CCDC83: variants seen among roughly 807,000 people sequenced by gnomAD.
CCDC83 encodes coiled-coil domain-containing protein 83.
CCDC83 carries 54 observed loss-of-function variants against 50.1 expected under a neutral mutation model. The ratio of observed to expected loss-of-function variants is 1.08; its 90% CI spans 0.87 to 1.35. The LOEUF is 1.35. Among genes scored for constraint, CCDC83 ranks in the 40% most tolerant of loss-of-function variants. The pLI, the probability that CCDC83 is intolerant of heterozygous loss-of-function variation, is 0.00. For missense variants in CCDC83, 518 were observed against 473.9 expected (o/e 1.09, Z -0.86); for synonymous variants, 161 against 153.3 (o/e 1.05, Z -0.37).
chr11:85,868,168 T>C (rs1038064610), intron 2 of CCDC83, among the ~76,000 whole-genome samples: 2 of 152,240 alleles, frequency 1.3e-5, no homozygotes, highest in Non-Finnish European at 2.9e-5. Context: ...TGGTTGTTTG[T>C]GAAGAGCTGA....
intron 1 of CCDC83, among the ~76,000 whole-genome samples, chr11:85,856,021 A>G (rs2093137815): frequency 6.6e-6 from 1 of 152,166 alleles, no homozygotes; most frequent in Admixed American, 6.5e-5. Flanking sequence ...TGGATACTAC[A>G]ACATTCTTCT....
chr11:85,896,282 T>A (rs1252796377), intron 6 of CCDC83, among the ~76,000 whole-genome samples: 1 of 151,392 alleles, frequency 6.6e-6, no homozygotes, highest in Non-Finnish European at 1.5e-5. Context: ...AGCTCAGTAG[T>A]GCCAGCTACT....
intron 5 of CCDC83, among the ~76,000 whole-genome samples, chr11:85,891,298 G>A (rs1384924364): frequency 1.3e-5 from 2 of 152,100 alleles, no homozygotes; most frequent in Non-Finnish European, 2.9e-5. Context: ...ACTGTTCCTC[G>A]GTCACCTGCC....
chr11:85,911,070 C>T (rs977880737), intron 7 of CCDC83, among the ~76,000 whole-genome samples: 1 of 151,278 alleles, frequency 6.6e-6, no homozygotes, highest in African/African-American at 2.4e-5. Context: ...ACTCAGGAGG[C>T]TGAGGCAGGA....
At chr11:85,913,086 A>G (rs1004950278) in intron 8 of CCDC83, among the ~76,000 whole-genome samples, 3 of 152,176 alleles carry the variant, frequency 2.0e-5, no homozygotes, top group Admixed American at 1.3e-4. Flanking sequence ...CACACTGTTC[A>G]TCAGTGCTTT....
chr11:85,863,901 T>C (rs539291387), intron 1 of CCDC83, among the ~76,000 whole-genome samples: 1 of 152,344 alleles, frequency 6.6e-6, no homozygotes, highest in African/African-American at 2.4e-5. Flanking sequence ...TAGAGATATA[T>C]GCCCTTTTTC....
chr11:85,915,107 A>T (rs2093471641), intron 8 of CCDC83, among the ~76,000 whole-genome samples: 1 of 152,162 alleles, frequency 6.6e-6, no homozygotes, highest in African/African-American at 2.4e-5. Context: ...GGCCCAGCTA[A>T]ACTGTATCAA....
At chr11:85,859,158 T>TAAAAAA (rs55964668) in intron 1 of CCDC83, among the ~76,000 whole-genome samples, 1 of 68,786 alleles carries the variant, frequency 1.5e-5, no homozygotes, top group African/African-American at 6.3e-5. Context: ...CTTGGTGCCT[T>TAAAAAA]AAAAAAAAAA....
intron 7 of CCDC83, among the ~76,000 whole-genome samples, chr11:85,904,796 C>T (rs1025971252): frequency 3.9e-5 from 6 of 152,146 alleles, no homozygotes; most frequent in African/African-American, 1.4e-4. Context: ...AAAATGTCAC[C>T]GTCAGCTTCT....
At chr11:85,893,291 T>A (rs1234048941) in intron 5 of CCDC83, among the ~76,000 whole-genome samples, 2 of 152,222 alleles carry the variant, frequency 1.3e-5, no homozygotes, top group Non-Finnish European at 2.9e-5. Flanking sequence ...CGTTTTCATC[T>A]AATGGGAGAA....
At chr11:85,892,270 T>A (rs142427070) in intron 5 of CCDC83, among the ~76,000 whole-genome samples, 25 of 152,288 alleles carry the variant, frequency 1.6e-4, no homozygotes, top group African/African-American at 5.5e-4. Context: ...TGCACAGTCC[T>A]AATCTGCCAA....
chr11:85,873,006 AAAAC>A (rs1334726261), intron 2 of CCDC83, among the ~76,000 whole-genome samples: 1 of 152,046 alleles, frequency 6.6e-6, no homozygotes, highest in Non-Finnish European at 1.5e-5. Flanking sequence ...TTTTCAAAAA[AAAAC>A]AAACAACTTT....
rs1565161430 is a variant in CCDC83, at chr11:85,919,361, T to C, written c.1093T>C (p.Leu365=). The C allele has an allele frequency of 6.2e-7, 1 of 1,600,758 alleles. No homozygotes were observed. Residue 365 remains leucine, a synonymous_variant, in exon 11 of 11, where the codon TTG becomes CTG. Transcript: ENST00000342404. ...DEKDFKDYVN[L]GPLGVKLMSV... is the part of the protein sequence containing the mutation. ...CTGTTCACCATAGGATTATGTAAAC[T>C]TGGGCCCCCTGGGAGTGAAGCTTAT...
At chr11:85,909,966 G>T (rs1388684929) in intron 7 of CCDC83, among the ~76,000 whole-genome samples, 1 of 151,846 alleles carries the variant, frequency 6.6e-6, no homozygotes, top group African/African-American at 2.4e-5. Flanking sequence ...AGCATTATTT[G>T]GCCCTTCCTT....
At chr11:85,860,605 A>G (rs2093170608) in intron 1 of CCDC83, among the ~76,000 whole-genome samples, 2 of 152,200 alleles carry the variant, frequency 1.3e-5, no homozygotes, top group Non-Finnish European at 2.9e-5. Context: ...TAAAACAGAA[A>G]TACCATTCAA....
At position 85,875,800 on chromosome 11, in the gene CCDC83, T is replaced by C. The variant is rs183859334; in HGVS notation, c.180+2505T>C. Among the ~76,000 whole-genome samples the C allele has an allele frequency of 1.3e-4, 20 of 152,346 alleles. No homozygotes were observed. In the East Asian group the frequency reaches 3.9e-3, roughly 29 times the overall value. ...CCCCTCTTCTTTCCTACACATCATC[T>C]CTTCCTATGTATATTTAGTTCTGTT... is the stretch of plus-strand genomic sequence containing the variant. On this transcript the variant is annotated intron_variant, in intron 3 of 10. Coordinates refer to ENST00000342404, the MANE Select transcript of CCDC83 (RefSeq NM_001286159.2).
intron 1 of CCDC83, among the ~76,000 whole-genome samples, chr11:85,856,067 C>T (rs1375796059): frequency 6.6e-6 from 1 of 151,670 alleles, no homozygotes; most frequent in Non-Finnish European, 1.5e-5. Context: ...GAATTTGTCA[C>T]ATTTGTACAG....
chr11:85,904,503 A>G (rs2093416527), intron 7 of CCDC83, among the ~76,000 whole-genome samples: 1 of 152,240 alleles, frequency 6.6e-6, no homozygotes, highest in Admixed American at 6.5e-5. Flanking sequence ...ATTCAATGCC[A>G]TCTATAAAAC....
chr11:85,911,203 A>T, intron 7 of CCDC83, 78 bp from the exon 8 acceptor site: 1 of 1,209,974 alleles, frequency 8.3e-7, no homozygotes, highest in Non-Finnish European at 1.1e-6. Context: ...GAAAGAAAAA[A>T]GAAAAAAATA....
Sources: gnomAD v4.1 joint callset for allele counts (sites outside exome capture counted in the v4.1 genomes callset) on GRCh38, gnomAD v4.1.1 for gene constraint, MANE v1.5 for transcripts, NCBI Gene and HGNC (gene_info 2026-07-23, HGNC 2026-07-21) for gene names.